SLC25A21: variants seen among roughly 807,000 people sequenced by gnomAD.
SLC25A21 encodes the protein mitochondrial 2-oxodicarboxylate carrier.
A neutral mutation model predicts 43.8 loss-of-function variants in SLC25A21; 47 were observed. The observed-to-expected ratio is 1.07, with a 90% CI of 0.85 to 1.37. The LOEUF is 1.37. Ranked by LOEUF, SLC25A21 falls within the 40% of genes most tolerant of loss-of-function variation. SLC25A21 has a pLI of 0.00. For missense variants in SLC25A21, 352 were observed against 350.2 expected, an observed-to-expected ratio of 1.00 and a Z score of -0.04; for synonymous variants, 131 against 121.3, an observed-to-expected ratio of 1.08 and a Z score of -0.52.
chr14:36,778,826 G>A (rs982188040), intron 3 of SLC25A21, among the ~76,000 whole-genome samples: 4 of 152,022 alleles, frequency 2.6e-5, no homozygotes, highest in African/African-American at 9.7e-5. Context: ...TTTTGTTATT[G>A]TTTTAGTGAG....
chr14:36,987,423 T>C (rs1157481161), intron 1 of SLC25A21, among the ~76,000 whole-genome samples: 3 of 152,196 alleles, frequency 2.0e-5, no homozygotes, highest in Non-Finnish European at 2.9e-5. Context: ...AAAATTTAAA[T>C]GTACAAAAAG....
At chr14:36,929,714 T>C (rs1413828532) in intron 1 of SLC25A21, among the ~76,000 whole-genome samples, 1 of 152,124 alleles carries the variant, frequency 6.6e-6, no homozygotes, top group East Asian at 1.9e-4. Flanking sequence ...ATCGATTTAC[T>C]TAAAAAGAAC....
chr14:36,971,156 G>C (rs1221241748), intron 1 of SLC25A21, among the ~76,000 whole-genome samples: 2 of 152,170 alleles, frequency 1.3e-5, no homozygotes, highest in Admixed American at 6.6e-5. Flanking sequence ...GAGTTAAAAT[G>C]AAATTATTTA....
intron 3 of SLC25A21, among the ~76,000 whole-genome samples, chr14:36,789,440 T>C (rs1887365674): frequency 6.6e-6 from 1 of 152,026 alleles, no homozygotes; most frequent in African/African-American, 2.4e-5. Context: ...TAAACATATA[T>C]ATTTAAAGTG....
At chr14:37,016,649 C>G (rs1285669753) in intron 1 of SLC25A21, among the ~76,000 whole-genome samples, 3 of 152,052 alleles carry the variant, frequency 2.0e-5, no homozygotes, top group Non-Finnish European at 4.4e-5. Context: ...GTCCTTTAAG[C>G]TTTGAAGCCA....
intron 3 of SLC25A21, among the ~76,000 whole-genome samples, chr14:36,775,637 G>A (rs1886793579): frequency 1.3e-5 from 2 of 152,132 alleles, no homozygotes; most frequent in Admixed American, 6.5e-5. Context: ...AAGGATAAGA[G>A]TCTTTTATAG....
At chr14:37,057,282 G>T (rs547427012) in intron 1 of SLC25A21, among the ~76,000 whole-genome samples, 8 of 152,244 alleles carry the variant, frequency 5.3e-5, no homozygotes, top group Admixed American at 4.6e-4. Flanking sequence ...TACAGTAACA[G>T]TTGGAATCCT....
intron 1 of SLC25A21, among the ~76,000 whole-genome samples, chr14:36,876,180 T>C (rs774405797): frequency 3.3e-5 from 5 of 152,178 alleles, no homozygotes; most frequent in Non-Finnish European, 5.9e-5. Context: ...CATGATGTAG[T>C]TTATCTTCCC....
At chr14:36,783,607 C>A (rs931767352) in intron 3 of SLC25A21, among the ~76,000 whole-genome samples, 1 of 152,116 alleles carries the variant, frequency 6.6e-6, no homozygotes, top group Non-Finnish European at 1.5e-5. Context: ...GATTCATAGA[C>A]CAACAGGGTC....
chr14:36,750,696 T>C (rs1379257263), intron 3 of SLC25A21, among the ~76,000 whole-genome samples: 1 of 152,072 alleles, frequency 6.6e-6, no homozygotes, highest in Non-Finnish European at 1.5e-5. Flanking sequence ...TAACTTCACA[T>C]TGAAAAATTA....
chr14:36,833,820 T>C (rs1192233387), intron 2 of SLC25A21, among the ~76,000 whole-genome samples: 1 of 152,222 alleles, frequency 6.6e-6, no homozygotes, highest in Admixed American at 6.5e-5. Context: ...CTGTGCTTCT[T>C]CTAAAAGTCC....
chr14:37,154,794 C>A (rs1036413274), intron 1 of SLC25A21, among the ~76,000 whole-genome samples: 1 of 151,610 alleles, frequency 6.6e-6, no homozygotes, highest in Non-Finnish European at 1.5e-5. Context: ...AGGCATGCAC[C>A]ACCACACCCA....
intron 3 of SLC25A21, among the ~76,000 whole-genome samples, chr14:36,764,083 G>GAAAGAAA (rs1213150423): frequency 0.038 from 741 of 19,608 alleles, 35 homozygotes; most frequent in South Asian, 0.063. Context: ...AAAGAAAGAA[G>GAAAGAAA]GAAGGAAGGA....
chr14:36,882,885 T>C (rs10467709), intron 1 of SLC25A21, among the ~76,000 whole-genome samples: 75,813 of 151,524 alleles, frequency 0.5, 21,948 homozygotes, highest in Non-Finnish European at 0.65. Flanking sequence ...GATGCTTCCG[T>C]CTCTCTCACA....
intron 3 of SLC25A21, among the ~76,000 whole-genome samples, chr14:36,757,753 GTTCAT>G (rs1362723111): frequency 2.0e-5 from 3 of 152,196 alleles, no homozygotes; most frequent in African/African-American, 7.2e-5. Flanking sequence ...ATGGACTGGT[GTTCAT>G]TCTGTTTACC....
At chr14:37,001,867 T>C (rs1428908982) in intron 1 of SLC25A21, among the ~76,000 whole-genome samples, 1 of 152,230 alleles carries the variant, frequency 6.6e-6, no homozygotes, top group Non-Finnish European at 1.5e-5. Context: ...GTCAATGTTA[T>C]TGCCTAAAAT....
At chr14:37,130,034 T>C (rs1963365745) in intron 1 of SLC25A21, among the ~76,000 whole-genome samples, 3 of 150,168 alleles carry the variant, frequency 2.0e-5, no homozygotes, top group Non-Finnish European at 4.4e-5. Flanking sequence ...GGAGAATCAC[T>C]TGAGGCCAGG....
chr14:36,981,686 C>G (rs922553221), intron 1 of SLC25A21, among the ~76,000 whole-genome samples: 1 of 151,322 alleles, frequency 6.6e-6, no homozygotes, highest in Admixed American at 6.6e-5. Flanking sequence ...TGGGGCCTGT[C>G]GTGGGGTGGG....
At chr14:37,135,588 T>A (rs764204743) in intron 1 of SLC25A21, among the ~76,000 whole-genome samples, 4 of 152,350 alleles carry the variant, frequency 2.6e-5, no homozygotes, top group Non-Finnish European at 5.9e-5. Context: ...TTACTTGACA[T>A]CATTTTTATT....
Sources: gnomAD v4.1 joint callset for allele counts (sites outside exome capture counted in the v4.1 genomes callset) on GRCh38, gnomAD v4.1.1 for gene constraint, MANE v1.5 for transcripts, NCBI Gene and HGNC (gene_info 2026-07-23, HGNC 2026-07-21) for gene names.